Variants in KCNAB1 observed in about 807,000 individuals in gnomAD.
KCNAB1 encodes the protein potassium voltage-gated channel subfamily A regulatory beta subunit 1.
A neutral mutation model predicts 64.6 loss-of-function variants in KCNAB1; 35 were observed. The ratio of observed to expected loss-of-function variants is 0.54; its 90% CI spans 0.41 to 0.72. The LOEUF (loss-of-function observed/expected upper bound fraction) is 0.72, where lower values mean the gene tolerates loss of function less well. KCNAB1 is among the 30% of genes least tolerant of loss of function. The pLI is 0.00. For missense variants in KCNAB1, 401 were observed against 512.9 expected (o/e 0.78, Z 2.11); for synonymous variants, 177 against 183.8 (o/e 0.96, Z 0.30).
chr3:156,203,051 A>C (rs1714442852), intron 1 of KCNAB1, among the ~76,000 whole-genome samples: 1 of 152,254 alleles, frequency 6.6e-6, no homozygotes, highest in Non-Finnish European at 1.5e-5. Context: ...ATATTTTAAC[A>C]TACACACAAA....
intron 1 of KCNAB1, among the ~76,000 whole-genome samples, chr3:156,252,266 C>G (rs185314526): frequency 6.6e-6 from 1 of 152,204 alleles, no homozygotes; most frequent in Non-Finnish European, 1.5e-5. Context: ...TAATGTCATT[C>G]GTAGTAGAAC....
intron 8 of KCNAB1, among the ~76,000 whole-genome samples, chr3:156,481,157 G>C (rs908995474): frequency 2.6e-5 from 4 of 151,986 alleles, no homozygotes; most frequent in Non-Finnish European, 5.9e-5. Context: ...TTAGAAATCT[G>C]ATTGATATCT....
intron 8 of KCNAB1, among the ~76,000 whole-genome samples, chr3:156,510,216 G>A (rs113969888): frequency 3.3e-5 from 5 of 152,134 alleles, no homozygotes; most frequent in African/African-American, 7.2e-5. Flanking sequence ...GGAGTGCCTC[G>A]CAGAGGCTCT....
chr3:156,370,519 A>G (rs1338069439), intron 1 of KCNAB1, among the ~76,000 whole-genome samples: 1 of 152,202 alleles, frequency 6.6e-6, no homozygotes, highest in Non-Finnish European at 1.5e-5. Context: ...CCAGGACACT[A>G]AGAGGGATGA....
chr3:156,273,142 C>T (rs968256232), intron 1 of KCNAB1, among the ~76,000 whole-genome samples: 2 of 147,746 alleles, frequency 1.4e-5, no homozygotes, highest in Admixed American at 6.7e-5. Flanking sequence ...AAAAAAAAAA[C>T]GGGTCTCTTT....
In KCNAB1 at chr3:156,340,758, T is replaced by C. The variant is rs186654795; in HGVS notation, c.276-80858T>C. ...CATCTCAACAGATTGGTCAAGTCAG[T>C]GTGAGGAGAGGAAATGGGCTTTATA... On this transcript the variant is annotated intron_variant, in intron 1 of 13. Coordinates refer to ENST00000490337, the MANE Select transcript of KCNAB1 (RefSeq NM_172160.3). Among the ~76,000 whole-genome samples, 195 of 152,334 alleles carry C rather than the reference T, an allele frequency of 1.3e-3. 1 individual carries two copies. Among genetic ancestry groups the C allele is most frequent in the African/African-American group, 4.5e-3 (186 of 41,584 alleles).
intron 1 of KCNAB1, among the ~76,000 whole-genome samples, chr3:156,280,107 C>T (rs1327683328): frequency 8.9e-5 from 13 of 146,496 alleles, no homozygotes; most frequent in African/African-American, 2.5e-4. Flanking sequence ...TTAGGTCTAA[C>T]GTTTAAGTCT....
chr3:156,256,907 C>T (rs1475364802), intron 1 of KCNAB1, among the ~76,000 whole-genome samples: 2 of 152,166 alleles, frequency 1.3e-5, no homozygotes, highest in East Asian at 1.9e-4. Context: ...CTATGTCCCT[C>T]CATTGAAGGT....
At chr3:156,474,996 C>T (rs748266057) in intron 8 of KCNAB1, among the ~76,000 whole-genome samples, 176 bp downstream of exon 8, 2 of 152,152 alleles carry the variant, frequency 1.3e-5, no homozygotes, top group Non-Finnish European at 2.9e-5. Flanking sequence ...CAATGCTCTG[C>T]GTGCTGCGTC....
intron 10 of KCNAB1, 67 bp from the exon 11 acceptor site, chr3:156,516,203 C>A: frequency 9.4e-7 from 1 of 1,068,434 alleles, no homozygotes. Flanking sequence ...AACACTACTG[C>A]CCCCACCGCC....
At chr3:156,150,488 G>T in intron 1 of KCNAB1, among the ~76,000 whole-genome samples, 1 of 152,100 alleles carries the variant, frequency 6.6e-6, no homozygotes, top group African/African-American at 2.4e-5. Context: ...AACAATACTG[G>T]GTTACAGGGA....
At chr3:156,502,708 G>A (rs1716534119) in intron 8 of KCNAB1, among the ~76,000 whole-genome samples, 1 of 152,158 alleles carries the variant, frequency 6.6e-6, no homozygotes, top group South Asian at 2.1e-4. Context: ...TAAGACCCAT[G>A]TTCAAACTAT....
intron 1 of KCNAB1, among the ~76,000 whole-genome samples, chr3:156,340,276 A>AAAAT (rs1724008455): frequency 6.6e-6 from 1 of 151,626 alleles, no homozygotes; most frequent in Non-Finnish European, 1.5e-5. Flanking sequence ...CTGAAAAAAT[A>AAAAT]AAATAAAACC....
At chr3:156,211,580 T>C (rs1715009660) in intron 1 of KCNAB1, among the ~76,000 whole-genome samples, 1 of 152,182 alleles carries the variant, frequency 6.6e-6, no homozygotes, top group African/African-American at 2.4e-5. Flanking sequence ...TTAAGCACTA[T>C]TGTGGAAAAG....
intron 11 of KCNAB1, 108 bp from the exon 12 acceptor site, chr3:156,523,718 CA>C: frequency 3.7e-6 from 4 of 1,081,206 alleles, no homozygotes; most frequent in South Asian, 3.1e-5. Context: ...ACATAAGGGT[CA>C]AAAAATTCAG....
At chr3:156,247,593 T>C (rs1429020136) in intron 1 of KCNAB1, among the ~76,000 whole-genome samples, 1 of 152,146 alleles carries the variant, frequency 6.6e-6, no homozygotes, top group Non-Finnish European at 1.5e-5. Flanking sequence ...GATAGTGTCT[T>C]ACTTTGTCTC....
intron 1 of KCNAB1, among the ~76,000 whole-genome samples, chr3:156,123,524 G>A (rs971341982): frequency 2.0e-5 from 3 of 152,234 alleles, no homozygotes; most frequent in African/African-American, 7.2e-5. Flanking sequence ...TATTTAAGAA[G>A]TAAAATTGCA....
At chr3:156,515,660 G>A (rs994197959) in intron 10 of KCNAB1, among the ~76,000 whole-genome samples, 5 of 152,068 alleles carry the variant, frequency 3.3e-5, no homozygotes, top group Non-Finnish European at 5.9e-5. Context: ...CTATTAAGTC[G>A]GGTACTATAC....
intron 12 of KCNAB1, among the ~76,000 whole-genome samples, chr3:156,529,631 G>A (rs1718560359): frequency 6.6e-6 from 1 of 152,176 alleles, no homozygotes; most frequent in Non-Finnish European, 1.5e-5. Flanking sequence ...TGTTTCACAG[G>A]CCCTCTGGAT....
Sources: gnomAD v4.1 joint callset for allele counts (sites outside exome capture counted in the v4.1 genomes callset) on GRCh38, gnomAD v4.1.1 for gene constraint, MANE v1.5 for transcripts, NCBI Gene and HGNC (gene_info 2026-07-23, HGNC 2026-07-21) for gene names.